Variants in RNASEH2B observed in about 807,000 individuals in gnomAD.
RNASEH2B encodes the protein Aicardi-Goutieres syndrome 2 protein.
A neutral mutation model predicts 45.0 loss-of-function variants in RNASEH2B; 36 were observed. The ratio of observed to expected loss-of-function variants is 0.80; its 90% CI spans 0.61 to 1.06. The LOEUF is 1.06. RNASEH2B is among the 50% of genes least tolerant of loss of function. RNASEH2B has a pLI of 0.00. For missense variants in RNASEH2B, 361 were observed against 360.3 expected (o/e 1.00, Z -0.02); for synonymous variants, 119 against 125.7 (o/e 0.95, Z 0.35).
In RNASEH2B at chr13:50,909,973, C is replaced by T; in HGVS notation, c.-104C>T. 1.9e-6 allele frequency: 2 copies of T among 1,030,330 alleles called. No individual in the cohort carries two copies. The allele number at this position is 1,030,330 out of a possible 1,614,324, so 63.8% of individuals were successfully genotyped here. A position where few individuals can be genotyped will look rare whatever the true frequency, so the allele number is the denominator to read the frequency against. On this transcript the variant is annotated 5_prime_UTR_variant, in exon 1 of 11. Transcript: ENST00000336617. ...CCCGGGCGCTGCCGGTCCCTCAGCG[C>T]GCCGCGCCACCCGGAACAGACCCTT...
chr13:50,951,915 T>G (rs1467355159), intron 9 of RNASEH2B: 3 of 152,182 alleles, frequency 2.0e-5, no homozygotes, highest in African/African-American at 7.2e-5. Context: ...AACAAGTCAT[T>G]TCTCCAATTA....
downstream of RNASEH2B, among the ~76,000 whole-genome samples, chr13:50,960,670 A>C (rs1425932901): frequency 6.6e-6 from 1 of 152,226 alleles, no homozygotes; most frequent in Non-Finnish European, 1.5e-5. Flanking sequence ...TAATGGATAC[A>C]TCCTATCTTT....
chr13:50,933,868 T>C (rs531999104), intron 4 of RNASEH2B: 1 of 152,326 alleles, frequency 6.6e-6, no homozygotes, highest in Admixed American at 6.5e-5. Context: ...TTATTCTTAC[T>C]ATTTGAAGGA....
chr13:50,958,764 A>G (rs770672005), downstream of RNASEH2B, among the ~76,000 whole-genome samples: 2 of 152,120 alleles, frequency 1.3e-5, no homozygotes, highest in Non-Finnish European at 2.9e-5. Flanking sequence ...AATAACCATG[A>G]TCCTGTTTGG....
intron 2 of RNASEH2B, among the ~76,000 whole-genome samples, 160 bp downstream of exon 2, chr13:50,927,638 AG>A (rs1289875812): frequency 6.6e-6 from 1 of 152,214 alleles, no homozygotes; most frequent in Non-Finnish European, 1.5e-5. Flanking sequence ...TAGTCTTCCC[AG>A]ATAATTCATT....
chr13:50,954,871 T>G (rs918128862), intron 10 of RNASEH2B: 1 of 152,260 alleles, frequency 6.6e-6, no homozygotes. Flanking sequence ...TCTTGAACAT[T>G]GTTGCCTGTC....
In RNASEH2B at chr13:50,953,951, C is replaced by G. The variant is rs183734174; in HGVS notation, c.788C>G (p.Thr263Ser). Residue 263 changes from threonine (T) to serine (S), a missense_variant, in exon 10 of 11, where the codon ACT becomes AGT. Thr to Ser is a moderately conservative substitution (Grantham distance 58). Transcript: ENST00000336617. Reference sequence around the variant, plus strand: ...CCTGTAGAAGCAAAAGAAGATTACACTAAGTTTAATACTAAAGATTTGAAG... The same window carrying G: ...CCTGTAGAAGCAAAAGAAGATTACAGTAAGTTTAATACTAAAGATTTGAAG... ...DEPVEAKEDYTKFNTKDLKTE... is the reference protein window; with the variant it reads ...DEPVEAKEDYSKFNTKDLKTE... The G allele has an allele frequency of 6.5e-5, 105 of 1,607,640 alleles. 1 individual carries two copies. In the East Asian group the frequency reaches 2.3e-3, roughly 35 times the overall value.
At chr13:50,920,143 C>A (rs1178993721) in intron 1 of RNASEH2B, among the ~76,000 whole-genome samples, 1 of 152,130 alleles carries the variant, frequency 6.6e-6, no homozygotes, top group African/African-American at 2.4e-5. Context: ...TGATTCTTAT[C>A]AAGCGATTCT....
chr13:50,938,835 A>G (rs1333658217), intron 5 of RNASEH2B: 1 of 152,184 alleles, frequency 6.6e-6, no homozygotes, highest in Non-Finnish European at 1.5e-5. Context: ...GATGTAAAGG[A>G]CCTATAATAT....
At chr13:50,915,441 C>T in intron 1 of RNASEH2B, 1 of 398,608 alleles carries the variant, frequency 2.5e-6, no homozygotes, top group East Asian at 3.6e-5. Flanking sequence ...TACCAGGAAG[C>T]CTTCCCATGG....
chr13:50,915,812 A>G (rs1401696009), intron 1 of RNASEH2B, among the ~76,000 whole-genome samples: 1 of 152,224 alleles, frequency 6.6e-6, no homozygotes, highest in Non-Finnish European at 1.5e-5. Flanking sequence ...TGCATGTTCT[A>G]GTCCCTGTTT....
chr13:50,917,707 C>G (rs1593447613), intron 1 of RNASEH2B, among the ~76,000 whole-genome samples: 1 of 152,220 alleles, frequency 6.6e-6, no homozygotes, highest in East Asian at 1.9e-4. Flanking sequence ...AAGTCCTTTT[C>G]CAGGACTCCT....
intron 9 of RNASEH2B, chr13:50,953,503 A>T (rs1952001849): frequency 4.4e-6 from 1 of 227,290 alleles, no homozygotes; most frequent in Non-Finnish European, 8.7e-6. Flanking sequence ...CCAGGAGGTA[A>T]ATGAAATAGG....
intron 9 of RNASEH2B, among the ~76,000 whole-genome samples, chr13:50,962,728 T>A (rs9526709): frequency 0.12 from 17,537 of 152,226 alleles, 1,177 homozygotes; most frequent in African/African-American, 0.18. Flanking sequence ...ATAATGTGTC[T>A]CCTCCTCATG....
rs1593439817 is a variant in RNASEH2B at position 50,910,090 on chromosome 13, T to C, written c.14T>C (p.Val5Ala). The C allele has an allele frequency of 6.8e-7, 1 of 1,462,776 alleles. No individual in the cohort carries two copies. Among genetic ancestry groups the C allele is most frequent in the Non-Finnish European group, 9.0e-7 (1 of 1,110,838 alleles). The allele number at this position is 1,462,776 out of a possible 1,614,324, so 90.6% of individuals were successfully genotyped here. A position where few individuals can be genotyped will look rare whatever the true frequency, so the allele number is the denominator to read the frequency against. The change falls in exon 1 of 11, where the codon GTG (valine) becomes GCG (alanine). Residue 5 changes from valine (V) to alanine (A), a missense_variant. Transcript: ENST00000336617. The part of the protein sequence containing the change: MAAG[V>A]DCGDGVGARQ... ...GAGGCGGGCGGCATGGCCGCTGGCGTGGACTGCGGGGACGGGGTTGGCGCC... is the reference window on the plus strand; with the variant it reads ...GAGGCGGGCGGCATGGCCGCTGGCGCGGACTGCGGGGACGGGGTTGGCGCC...
At chr13:50,911,791 G>C (rs1179942706) in intron 1 of RNASEH2B, 1 of 152,186 alleles carries the variant, frequency 6.6e-6, no homozygotes, top group Non-Finnish European at 1.5e-5. Flanking sequence ...TAGATTTTCA[G>C]AGTAGGAACT....
chr13:50,930,269 G>T (rs1951660154), intron 3 of RNASEH2B: 2 of 304,156 alleles, frequency 6.6e-6, no homozygotes, highest in Non-Finnish European at 1.3e-5. Context: ...GTCCTCAAAA[G>T]CACAGGAAAT....
In RNASEH2B at chr13:50,910,019, G is replaced by A; in HGVS notation, c.-58G>A. The A allele has an allele frequency of 7.1e-7, 1 of 1,412,626 alleles. No individual in the cohort carries two copies. The highest frequency in any genetic ancestry group is 1.5e-5 in the African/African-American group (1 of 66,912). The allele number at this position is 1,412,626 out of a possible 1,614,324, so 87.5% of individuals were successfully genotyped here. A position where few individuals can be genotyped will look rare whatever the true frequency, so the allele number is the denominator to read the frequency against. ...CCCTTCTCCCGCCATTTTCGGCGGG[G>A]CTGGGAGACTGAGGCCCGCGGCGCT... On this transcript the variant is annotated 5_prime_UTR_variant, in exon 1 of 11. Coordinates refer to ENST00000336617, the MANE Select transcript of RNASEH2B (RefSeq NM_024570.4).
intron 1 of RNASEH2B, among the ~76,000 whole-genome samples, chr13:50,922,328 A>C (rs1282914976): frequency 1.3e-5 from 2 of 152,192 alleles, no homozygotes; most frequent in Non-Finnish European, 2.9e-5. Flanking sequence ...AAGGCTACAC[A>C]CATATGCAGG....
Sources: allele counts gnomAD v4.1 joint callset (sites outside exome capture counted in the v4.1 genomes callset), GRCh38; gene constraint gnomAD v4.1.1; transcripts MANE v1.5; gene names NCBI Gene and HGNC (gene_info 2026-07-23, HGNC 2026-07-21).